Variants in DCC observed in about 807,000 individuals in gnomAD.
DCC encodes DCC netrin 1 receptor.
DCC carries 58 observed loss-of-function variants against 172.5 expected under a neutral mutation model. The observed-to-expected ratio is 0.34, with a 90% CI of 0.27 to 0.42. DCC has a LOEUF of 0.42. Ranked by LOEUF, DCC falls within the 10% of genes least tolerant of loss-of-function variation. The pLI, the probability that DCC is intolerant of heterozygous loss-of-function variation, is 1.00. For synonymous variants in DCC, 709 were observed against 644.5 expected (o/e 1.10, Z -1.52); for missense variants, 1,740 against 1,791.0 (o/e 0.97, Z 0.51).
intron 7 of DCC, among the ~76,000 whole-genome samples, chr18:53,070,558 G>C (rs1397676225): frequency 6.6e-6 from 1 of 152,108 alleles, no homozygotes; most frequent in East Asian, 1.9e-4. Flanking sequence ...GCCCTGATTT[G>C]TTTAGGTCTA....
chr18:52,381,330 T>C (rs1039639495), intron 1 of DCC, among the ~76,000 whole-genome samples: 3 of 152,096 alleles, frequency 2.0e-5, no homozygotes, highest in Admixed American at 6.6e-5. Flanking sequence ...GAAAGGACAA[T>C]TTTTTAGCAT....
chr18:52,573,688 C>G (rs1375011603), intron 1 of DCC, among the ~76,000 whole-genome samples: 1 of 152,174 alleles, frequency 6.6e-6, no homozygotes, highest in African/African-American at 2.4e-5. Context: ...TGACTCTTTA[C>G]ATCTAAGATC....
chr18:52,695,152 G>A (rs1599025260), intron 1 of DCC, among the ~76,000 whole-genome samples: 1 of 152,308 alleles, frequency 6.6e-6, no homozygotes, highest in East Asian at 1.9e-4. Context: ...GCATTATCTA[G>A]CATCATTCTG....
At chr18:52,571,315 G>C (rs1361972647) in intron 1 of DCC, among the ~76,000 whole-genome samples, 3 of 147,564 alleles carry the variant, frequency 2.0e-5, no homozygotes, top group Non-Finnish European at 3.1e-5. Flanking sequence ...TCTATGGGTG[G>C]GGGAATCACC....
intron 21 of DCC, among the ~76,000 whole-genome samples, chr18:53,428,444 T>TAATATATTACATATAA (rs1599139678): frequency 3.0e-5 from 1 of 32,998 alleles, no homozygotes; most frequent in Non-Finnish European, 6.8e-5. Context: ...ATATAATATA[T>TAATATATTACATATAA]TATATTATTT....
At chr18:52,564,935 T>C (rs2033125717) in intron 1 of DCC, among the ~76,000 whole-genome samples, 1 of 151,966 alleles carries the variant, frequency 6.6e-6, no homozygotes, top group African/African-American at 2.4e-5. Flanking sequence ...CTGACTTCAG[T>C]AGAAGCCAAG....
chr18:53,084,399 C>G (rs2144145526), intron 7 of DCC, among the ~76,000 whole-genome samples: 1 of 152,296 alleles, frequency 6.6e-6, no homozygotes, highest in South Asian at 2.1e-4. Context: ...GGAGATTAAA[C>G]TTCAGCATGA....
chr18:52,870,305 T>C (rs2145380840), intron 2 of DCC, among the ~76,000 whole-genome samples: 1 of 152,176 alleles, frequency 6.6e-6, no homozygotes, highest in African/African-American at 2.4e-5. Flanking sequence ...CTTGGGGACA[T>C]GGGGCACAGG....
At chr18:52,851,303 C>G (rs1235635975) in intron 2 of DCC, among the ~76,000 whole-genome samples, 1 of 152,056 alleles carries the variant, frequency 6.6e-6, no homozygotes, top group Non-Finnish European at 1.5e-5. Context: ...AAATATGATA[C>G]ACATTTTCTT....
At chr18:52,710,164 C>A (rs60949334) in intron 1 of DCC, among the ~76,000 whole-genome samples, 1 of 152,120 alleles carries the variant, frequency 6.6e-6, no homozygotes, top group East Asian at 1.9e-4. Flanking sequence ...GCATTTTTAA[C>A]TGAAAAAATG....
chr18:53,206,860 G>C (rs1457902270), intron 10 of DCC, among the ~76,000 whole-genome samples: 1 of 151,372 alleles, frequency 6.6e-6, no homozygotes, highest in Non-Finnish European at 1.5e-5. Flanking sequence ...TAAACTGCAT[G>C]ATCAGAATTT....
chr18:52,622,616 C>T (rs1021919627), intron 1 of DCC, among the ~76,000 whole-genome samples: 4 of 151,840 alleles, frequency 2.6e-5, no homozygotes, highest in Admixed American at 1.3e-4. Flanking sequence ...CCAAATATTT[C>T]GGTTCATTAG....
intron 2 of DCC, among the ~76,000 whole-genome samples, chr18:52,783,413 CAAAGTTTTAATCTTG>C (rs2145190722): frequency 7.7e-6 from 1 of 129,288 alleles, no homozygotes; most frequent in Non-Finnish European, 1.5e-5. Flanking sequence ...CACAAGGCAG[CAAAGTTTTAATCTTG>C]GCATCCACAG....
At chr18:53,249,341 G>A (rs554234122) in intron 12 of DCC, among the ~76,000 whole-genome samples, 2 of 151,964 alleles carry the variant, frequency 1.3e-5, no homozygotes, top group South Asian at 4.2e-4. Flanking sequence ...ACCTAGGTGG[G>A]TACCATTCTA....
At chr18:53,311,138 T>G (rs1303384412) in intron 13 of DCC, among the ~76,000 whole-genome samples, 1 of 151,286 alleles carries the variant, frequency 6.6e-6, no homozygotes, top group African/African-American at 2.4e-5. Context: ...TTATTTTTTT[T>G]GAGATGGAGT....
chr18:52,529,908 A>T (rs971868114), intron 1 of DCC, among the ~76,000 whole-genome samples: 2 of 152,150 alleles, frequency 1.3e-5, no homozygotes, highest in African/African-American at 4.8e-5. Flanking sequence ...ACCCATTTAC[A>T]TTTCTGGAAA....
chr18:52,418,161 A>C lies in DCC; in HGVS notation c.91+77283A>C, dbSNP rs563726687. 2.0e-5 allele frequency among the ~76,000 whole-genome samples: 3 copies of C among 152,354 alleles called. No homozygotes were observed. The South Asian group carries it at 6.2e-4, about 32-fold the overall frequency. On this transcript the variant is annotated intron_variant, in intron 1 of 28. Coordinates refer to ENST00000442544, the MANE Select transcript of DCC (RefSeq NM_005215.4). ...CTGGAGCTATTTTTTAATTCATTAA[A>C]GACTTCAAAAGCTAGAAATCACAAT...
chr18:52,700,409 GCACATGCACACACACACA>G (rs2036103909), intron 1 of DCC, among the ~76,000 whole-genome samples: 2 of 150,542 alleles, frequency 1.3e-5, no homozygotes, highest in South Asian at 4.2e-4. Context: ...ACACACACAC[GCACATGCACACACACACA>G]GAATATTCTT....
intron 12 of DCC, among the ~76,000 whole-genome samples, chr18:53,218,046 A>G (rs879490391): frequency 6.6e-6 from 1 of 151,968 alleles, no homozygotes; most frequent in Non-Finnish European, 1.5e-5. Context: ...ACAGGGTCTC[A>G]TTATGTTCCC....
Sources: allele counts gnomAD v4.1 joint callset (sites outside exome capture counted in the v4.1 genomes callset), GRCh38; gene constraint gnomAD v4.1.1; transcripts MANE v1.5; gene names NCBI Gene and HGNC (gene_info 2026-07-23, HGNC 2026-07-21).